The following EML5 variants were observed in gnomAD, a reference collection of about 807,000 sequenced individuals.
The protein encoded by EML5 is echinoderm microtubule-associated protein-like 5.
EML5 carries 120 observed loss-of-function variants against 250.0 expected under a neutral mutation model. That is an observed-to-expected ratio of 0.48 (90% confidence interval 0.41 to 0.56). EML5 has a LOEUF of 0.56. EML5 is among the 20% of genes least tolerant of loss of function. The probability of loss-of-function intolerance (pLI) is 0.00; values close to 1 mark genes in which losing one functional copy is unlikely to be tolerated. For missense variants in EML5, 2,006 were observed against 2,437.6 expected (o/e 0.82, Z 3.73); for synonymous variants, 771 against 806.5 (o/e 0.96, Z 0.75).
chr14:88,626,810 C>A, intron 35 of EML5, 28 bp downstream of exon 35: 1 of 1,610,020 alleles, frequency 6.2e-7, no homozygotes, highest in South Asian at 1.1e-5. Flanking sequence ...TAGTCAAAGT[C>A]ACACTATGTG....
intron 2 of EML5, among the ~76,000 whole-genome samples, chr14:88,750,125 T>A (rs1219522636): frequency 6.6e-6 from 1 of 152,208 alleles, no homozygotes; most frequent in Non-Finnish European, 1.5e-5. Flanking sequence ...ATTTACTATT[T>A]CACTTACTAT....
intron 24 of EML5, among the ~76,000 whole-genome samples, chr14:88,662,339 GTTTTTTTTTTTTTTT>G (rs71127000): frequency 1.8e-5 from 1 of 55,656 alleles, no homozygotes; most frequent in Non-Finnish European, 3.2e-5. Context: ...AATTTTTCTT[GTTTTTTTTTTTTTTT>G]TTTTTTTTTT....
At chr14:88,759,046 G>T (rs1225840426) in intron 1 of EML5, among the ~76,000 whole-genome samples, 2 of 152,046 alleles carry the variant, frequency 1.3e-5, no homozygotes, top group African/African-American at 4.8e-5. Flanking sequence ...ATTTTTTAGG[G>T]GTGATAAATA....
intron 28 of EML5, 42 bp downstream of exon 28, chr14:88,649,870 G>C: frequency 7.0e-7 from 1 of 1,421,776 alleles, no homozygotes; most frequent in Non-Finnish European, 9.5e-7. Flanking sequence ...AAAATAAAGG[G>C]TAAATTTTTG....
intron 1 of EML5, among the ~76,000 whole-genome samples, chr14:88,756,195 T>A (rs2094156331): frequency 6.6e-6 from 1 of 152,152 alleles, no homozygotes; most frequent in South Asian, 2.1e-4. Context: ...AATACCAGGC[T>A]GGTTCAACAT....
At chr14:88,727,628 C>T (rs922141505) in intron 7 of EML5, among the ~76,000 whole-genome samples, 44 of 152,146 alleles carry the variant, frequency 2.9e-4, no homozygotes, top group Non-Finnish European at 8.8e-5. Flanking sequence ...AAACTCCCAA[C>T]CTCTGGTGAT....
At chr14:88,784,582 A>C (rs186735304) in intron 1 of EML5, among the ~76,000 whole-genome samples, 302 of 152,296 alleles carry the variant, frequency 2.0e-3, no homozygotes, top group Admixed American at 3.5e-3. Context: ...CCAAGATTGA[A>C]CCAGGAAGAA....
intron 11 of EML5, 83 bp from the exon 12 acceptor site, chr14:88,705,671 T>A: frequency 1.0e-6 from 1 of 992,152 alleles, no homozygotes; most frequent in Non-Finnish European, 1.5e-6. Flanking sequence ...GATTAAGAGC[T>A]ATGTCAGTTG....
In EML5 at chr14:88,652,043, T is replaced by C. The variant is rs139881600; in HGVS notation, c.4005-2117A>G. 3.2e-3 allele frequency among the ~76,000 whole-genome samples: 482 copies of C among 152,302 alleles called. 2 individuals are homozygous for C. Among genetic ancestry groups the C allele is most frequent in the African/African-American group, 0.011 (465 of 41,560 alleles). Reference sequence around the variant, plus strand: ...ATGAAAAAAATGAGTATTTTACCCATTTGTCTGACTCCAGAATTCATGTCC... The same window carrying C: ...ATGAAAAAAATGAGTATTTTACCCACTTGTCTGACTCCAGAATTCATGTCC... On this transcript the variant is annotated intron_variant, in intron 27 of 43. Coordinates refer to ENST00000554922, the MANE Select transcript of EML5 (RefSeq NM_183387.3).
chr14:88,699,056 A>G (rs2093147408), intron 14 of EML5, among the ~76,000 whole-genome samples: 1 of 152,160 alleles, frequency 6.6e-6, no homozygotes, highest in Admixed American at 6.5e-5. Flanking sequence ...TATTTAGTAT[A>G]ATATTGAGTA....
Position 88,725,027 on chromosome 14 carries a change from GA to G in EML5, c.1187+1513del, listed in dbSNP as rs2093645880. Among the ~76,000 whole-genome samples the G allele has an allele frequency of 2.0e-5, 3 of 152,200 alleles. No individual in the cohort carries two copies. In the East Asian group the frequency reaches 5.8e-4, roughly 29 times the overall value. ...TATGACATATTTATAGAGCTCTGTGGAAAAAGCTTTAATTTATATTCAAATG... is the reference window on the plus strand; with the variant it reads ...TATGACATATTTATAGAGCTCTGTGGAAAAGCTTTAATTTATATTCAAATG... On this transcript the variant is annotated intron_variant, in intron 8 of 43. Coordinates refer to ENST00000554922, the MANE Select transcript of EML5 (RefSeq NM_183387.3).
At chr14:88,662,513 G>A (rs1272699137) in intron 24 of EML5, among the ~76,000 whole-genome samples, 2 of 149,782 alleles carry the variant, frequency 1.3e-5, no homozygotes, top group Non-Finnish European at 3.0e-5. Context: ...AGCAACTGGA[G>A]CACAGCTAGC....
At position 88,648,660 on chromosome 14, in the gene EML5, T is replaced by C. The variant is rs75728366; in HGVS notation, c.4019+1252A>G. Reference sequence around the variant, plus strand: ...GCATAAACCACTGCACCCGGTCAATTAACTATTCTTTATATGAAGTGGCCT... The same window carrying C: ...GCATAAACCACTGCACCCGGTCAATCAACTATTCTTTATATGAAGTGGCCT... On this transcript the variant is annotated intron_variant, in intron 28 of 43. Transcript: ENST00000554922. 0.011 allele frequency among the ~76,000 whole-genome samples: 1,713 copies of C among 152,094 alleles called. 60 individuals are homozygous for C. In the East Asian group the frequency reaches 0.12, roughly 11 times the overall value.
Position 88,706,427 on chromosome 14 carries a change from C to T in EML5, c.1658-1G>A, listed in dbSNP as rs2093318433. The T allele has an allele frequency of 1.3e-6, 2 of 1,494,966 alleles. No homozygotes were observed. The highest frequency in any genetic ancestry group is 4.8e-5 in the Admixed American group (2 of 42,090). 92.6% of individuals were successfully genotyped at this position (1,494,966 alleles called of 1,614,324 possible). A position where few individuals can be genotyped will look rare whatever the true frequency, so the allele number is the denominator to read the frequency against. ...CCAATATATTTTCTAAACTTGGCCCCTATAATAAAAATATATCTTTAAATT... is the reference window on the plus strand; with the variant it reads ...CCAATATATTTTCTAAACTTGGCCCTTATAATAAAAATATATCTTTAAATT... On this transcript the variant is annotated splice_acceptor_variant, in intron 10 of 43. Transcript: ENST00000554922. LOFTEE classifies it high-confidence loss of function.
intron 1 of EML5, among the ~76,000 whole-genome samples, chr14:88,785,469 C>G (rs1164676283): frequency 6.6e-6 from 1 of 152,138 alleles, no homozygotes; most frequent in Admixed American, 6.5e-5. Flanking sequence ...CACTCTGTAA[C>G]CACAAAAATT....
chr14:88,746,210 G>T lies in EML5; in HGVS notation c.431C>A (p.Ser144Tyr). 4 of 1,613,214 alleles carry T rather than the reference G, an allele frequency of 2.5e-6. No homozygotes were observed. Among genetic ancestry groups the T allele is most frequent in the Non-Finnish European group, 3.4e-6 (4 of 1,179,462 alleles). The part of the protein sequence containing the change: ...VWDWKRGKML[S>Y]MAPGHTDRIF... Reference sequence around the variant, plus strand: ...TCTATCTGTATGACCAGGAGCCATAGACAACATTTTTCCCCTTTTCCAGTC... The same window carrying T: ...TCTATCTGTATGACCAGGAGCCATATACAACATTTTTCCCCTTTTCCAGTC... The change falls in exon 3 of 44, where the codon TCT becomes TAT. Residue 144 changes from serine (S) to tyrosine (Y), a missense_variant. Coordinates refer to ENST00000554922, the MANE Select transcript of EML5 (RefSeq NM_183387.3).
intron 32 of EML5, 93 bp downstream of exon 32, chr14:88,638,716 A>C (rs903749087): frequency 1.9e-6 from 2 of 1,058,676 alleles, no homozygotes; most frequent in East Asian, 5.2e-5. Context: ...CAATCGATAA[A>C]TCAATAAAAT....
chr14:88,702,471 A>C lies in EML5; in HGVS notation c.2213T>G (p.Leu738Trp). ...CTGGCCTGTTGCCACGTAGTCTTTC[A>C]AAGGATGAATAGTTAGGCAGAGAAT... ...DDILCLTIHPLKDYVATGQVG... is the reference protein window; with the variant it reads ...DDILCLTIHPWKDYVATGQVG... Residue 738 changes from leucine to tryptophan, a missense_variant, in exon 14 of 44, where the codon TTG becomes TGG. Leu to Trp is a moderately conservative substitution (Grantham distance 61). Around this residue, in one of 7 missense-constraint regions of EML5, gnomAD observed 1,375 missense variants for 1,590.3 expected, o/e 0.86. Transcript: ENST00000554922. 6.2e-7 allele frequency: 1 copy of C among 1,612,266 alleles called. No homozygotes were observed. The highest frequency in any genetic ancestry group is 8.5e-7 in the Non-Finnish European group (1 of 1,179,112).
At chr14:88,744,000 A>T in intron 4 of EML5, 23 bp downstream of exon 4, 1 of 1,509,142 alleles carries the variant, frequency 6.6e-7, no homozygotes, top group Admixed American at 2.0e-5. Context: ...CGTGACTATT[A>T]TAAAACAAGA....
Sources: allele counts gnomAD v4.1 joint callset (sites outside exome capture counted in the v4.1 genomes callset), GRCh38; gene constraint gnomAD v4.1.1; regional missense constraint gnomAD v4.1.1; transcripts MANE v1.5; gene names NCBI Gene and HGNC (gene_info 2026-07-23, HGNC 2026-07-21).